WWTR1: variants seen among roughly 807,000 people sequenced by gnomAD.
WWTR1 encodes the protein WW domain containing transcription regulator 1.
In WWTR1, 13 loss-of-function variants were observed where a neutral mutation model predicts 40.1. That is an observed-to-expected ratio of 0.32 (90% CI 0.21 to 0.52). The LOEUF (loss-of-function observed/expected upper bound fraction) is 0.52, where lower values mean the gene tolerates loss of function less well. WWTR1 is among the 20% of genes least tolerant of loss of function. The probability of loss-of-function intolerance (pLI) is 0.97; values close to 1 mark genes in which losing one functional copy is unlikely to be tolerated. For synonymous variants in WWTR1, 230 were observed against 210.1 expected, an observed-to-expected ratio of 1.09 and a Z score of -0.82; for missense variants, 436 against 523.1, an observed-to-expected ratio of 0.83 and a Z score of 1.63.
At chr3:149,589,186 C>T (rs758449089) in intron 2 of WWTR1, among the ~76,000 whole-genome samples, 2 of 152,152 alleles carry the variant, frequency 1.3e-5, no homozygotes, top group African/African-American at 2.4e-5. Flanking sequence ...CTGGGAGACT[C>T]CCAGCTGCAA....
intron 1 of WWTR1, among the ~76,000 whole-genome samples, chr3:149,670,341 C>T (rs56026943): frequency 5.1e-4 from 78 of 152,278 alleles, no homozygotes; most frequent in African/African-American, 1.8e-3. Flanking sequence ...GCCTTTCCTC[C>T]TCAGGGGAAT....
chr3:149,658,644 T>C (rs1417246811), upstream of WWTR1: 1 of 152,302 alleles, frequency 6.6e-6, no homozygotes, highest in Non-Finnish European at 1.5e-5. Context: ...CTCTCAATTG[T>C]CTGCTAGAGC....
In WWTR1 at chr3:149,628,722, T is replaced by C. The variant is rs556976049; in HGVS notation, c.431+28154A>G. On this transcript the variant is annotated intron_variant, in intron 2 of 6. Transcript: ENST00000360632. ...GTACAAGTCTCTCAAGTCTCACAAA[T>C]GATTCTTTTTATTTTTTTTATTTTA... Among the ~76,000 whole-genome samples, 6 of 151,382 alleles carry C rather than the reference T, an allele frequency of 4.0e-5. No homozygotes were observed. In the East Asian group the frequency reaches 1.2e-3, roughly 29 times the overall value.
chr3:149,593,061 G>A (rs1738809099), intron 2 of WWTR1, among the ~76,000 whole-genome samples: 1 of 152,028 alleles, frequency 6.6e-6, no homozygotes, highest in African/African-American at 2.4e-5. Context: ...CCCAGATACC[G>A]ACTGCAGGAT....
At chr3:149,565,178 T>A (rs1370346019) in intron 3 of WWTR1, among the ~76,000 whole-genome samples, 3 of 152,174 alleles carry the variant, frequency 2.0e-5, no homozygotes, top group Middle Eastern at 3.4e-3. Flanking sequence ...CGGACCAAGA[T>A]TGCATCTCAG....
At chr3:149,698,912 C>T (rs78454530) in intron 1 of WWTR1, among the ~76,000 whole-genome samples, 4,130 of 152,278 alleles carry the variant, frequency 0.027, 126 homozygotes, top group East Asian at 0.13. Context: ...GCCCCTGAAA[C>T]TATTATTTCC....
chr3:149,617,022 G>GA (rs372441566), intron 2 of WWTR1, among the ~76,000 whole-genome samples: 1 of 151,908 alleles, frequency 6.6e-6, no homozygotes, highest in Non-Finnish European at 1.5e-5. Flanking sequence ...AACTAATGTA[G>GA]AAAAAAAATG....
intron 4 of WWTR1, among the ~76,000 whole-genome samples, chr3:149,722,687 C>T (rs920079306): frequency 7.2e-5 from 11 of 152,096 alleles, no homozygotes; most frequent in African/African-American, 2.4e-4. Context: ...TGGTACCCTA[C>T]AGGTCCCTTA....
intron 1 of WWTR1, among the ~76,000 whole-genome samples, chr3:149,681,509 T>G (rs1484396749): frequency 6.6e-6 from 1 of 152,206 alleles, no homozygotes; most frequent in Non-Finnish European, 1.5e-5. Context: ...AAATCCTTAG[T>G]CCATTTTAAA....
intron 2 of WWTR1, among the ~76,000 whole-genome samples, chr3:149,619,705 C>A (rs1369796023): frequency 1.3e-5 from 2 of 152,112 alleles, no homozygotes; most frequent in African/African-American, 4.8e-5. Context: ...TATTAGAGCA[C>A]AACAAAGGTA....
In WWTR1 at chr3:149,517,609, C is replaced by G. The variant is rs1576529216; in HGVS notation, c.*3196G>C. 6.6e-6 allele frequency: 1 copy of G among 152,154 alleles called. No individual in the cohort carries two copies. The highest frequency in any genetic ancestry group is 2.4e-5 in the African/African-American group (1 of 41,432). The allele number at this position is 152,154 out of a possible 1,614,324, so 9.4% of individuals were successfully genotyped here. On this transcript the variant is annotated 3_prime_UTR_variant, in exon 7 of 7. Coordinates refer to ENST00000360632, the MANE Select transcript of WWTR1 (RefSeq NM_015472.6). ...GCAACACTTCTGTCAGTCTAGATCA[C>G]TTCTTCTGCAGAGAGCTTTTCAACC...
intron 2 of WWTR1, among the ~76,000 whole-genome samples, chr3:149,610,656 G>C (rs1314800454): frequency 6.6e-6 from 1 of 152,212 alleles, no homozygotes; most frequent in African/African-American, 2.4e-5. Context: ...GGCAGGCCAG[G>C]GAAAGGAGGC....
At chr3:149,580,932 C>T (rs1198556105) in intron 2 of WWTR1, among the ~76,000 whole-genome samples, 1 of 152,132 alleles carries the variant, frequency 6.6e-6, no homozygotes, top group Admixed American at 6.6e-5. Context: ...GATTAGTAGC[C>T]ATCCAGTACA....
intron 2 of WWTR1, among the ~76,000 whole-genome samples, chr3:149,583,578 G>T (rs905713796): frequency 6.6e-6 from 1 of 152,204 alleles, no homozygotes; most frequent in African/African-American, 2.4e-5. Context: ...CAGTCCACTA[G>T]GCTTTGTGTA....
intron 2 of WWTR1, among the ~76,000 whole-genome samples, chr3:149,642,891 C>T (rs1349170009): frequency 6.6e-6 from 1 of 152,080 alleles, no homozygotes; most frequent in Non-Finnish European, 1.5e-5. Flanking sequence ...CTAGAGAATG[C>T]ATCTGCAGAA....
intron 2 of WWTR1, among the ~76,000 whole-genome samples, chr3:149,588,944 CA>C (rs1280413886): frequency 2.0e-5 from 3 of 151,794 alleles, no homozygotes; most frequent in African/African-American, 7.3e-5. Context: ...GAGAGAGGCA[CA>C]AAAGGGGGAA....
At chr3:149,567,931 A>T (rs1167790511) in intron 3 of WWTR1, among the ~76,000 whole-genome samples, 1 of 152,146 alleles carries the variant, frequency 6.6e-6, no homozygotes, top group Non-Finnish European at 1.5e-5. Context: ...AAGGACTAAG[A>T]TCTGCAGCAG....
intron 3 of WWTR1, among the ~76,000 whole-genome samples, chr3:149,557,410 A>G (rs1447812862): frequency 6.6e-6 from 1 of 152,094 alleles, no homozygotes; most frequent in African/African-American, 2.4e-5. Context: ...TGTCCCCTAG[A>G]TCACAGAGTC....
At chr3:149,527,772 C>T (rs1177766559) in intron 5 of WWTR1, 64 bp downstream of exon 5, 1 of 1,601,826 alleles carries the variant, frequency 6.2e-7, no homozygotes, top group East Asian at 2.2e-5. Context: ...AACAAAGATC[C>T]TATTATAGTC....
Sources: gnomAD v4.1 joint callset for allele counts (sites outside exome capture counted in the v4.1 genomes callset) on GRCh38, gnomAD v4.1.1 for gene constraint, MANE v1.5 for transcripts, NCBI Gene and HGNC (gene_info 2026-07-23, HGNC 2026-07-21) for gene names.